DCAF10: variants seen among roughly 807,000 people sequenced by gnomAD.
The protein encoded by DCAF10 is DDB1- and CUL4-associated factor 10.
DCAF10 carries 19 observed loss-of-function variants against 51.9 expected under a neutral mutation model. The ratio of observed to expected loss-of-function variants is 0.37; its 90% CI spans 0.26 to 0.54. The LOEUF (loss-of-function observed/expected upper bound fraction) is 0.54, where lower values mean the gene tolerates loss of function less well. Ranked by LOEUF, DCAF10 falls within the 20% of genes least tolerant of loss-of-function variation. The pLI is 0.87. For synonymous variants in DCAF10, 291 were observed against 297.1 expected (o/e 0.98, Z 0.21); for missense variants, 510 against 730.6 (o/e 0.70, Z 3.48).
At chr9:37,842,063 A>AG in intron 2 of DCAF10, 26 bp from the exon 3 acceptor site, 1 of 1,593,772 alleles carries the variant, frequency 6.3e-7, no homozygotes, top group Non-Finnish European at 8.5e-7. Flanking sequence ...TAAATGAACC[A>AG]GGGTTTTGTT....
chr9:37,864,591 A>ATAAAAT lies in DCAF10; in HGVS notation c.*3083_*3084insTAAAAT, dbSNP rs1436065843. 2 of 147,794 alleles carry ATAAAAT rather than the reference A, an allele frequency of 1.4e-5. No individual in the cohort carries two copies. Among genetic ancestry groups the ATAAAAT allele is most frequent in the African/African-American group, 5.1e-5 (2 of 39,538 alleles). 9.2% of individuals were successfully genotyped at this position (147,794 alleles called of 1,614,324 possible). ...AGAGCGAGACTCTGCCTCAAAAAAA[A>ATAAAAT]AAAAAAAAATAAAATAAAATAAAAT... On this transcript the variant is annotated 3_prime_UTR_variant, in exon 7 of 7. Coordinates refer to ENST00000377724, the MANE Select transcript of DCAF10 (RefSeq NM_024345.5).
chr9:37,861,619 T>C lies in DCAF10; in HGVS notation c.*111T>C, dbSNP rs553917632. 8.3e-6 allele frequency: 12 copies of C among 1,441,420 alleles called. No individual in the cohort carries two copies. The African/African-American group carries it at 1.6e-4, about 19-fold the overall frequency. 89.3% of individuals were successfully genotyped at this position (1,441,420 alleles called of 1,614,324 possible). A position where few individuals can be genotyped will look rare whatever the true frequency, so the allele number is the denominator to read the frequency against. ...ATCTTATAAGTTTGGGTCAAGATCC[T>C]GGTTCTTATGGGTCCATGAACACAC... On this transcript the variant is annotated 3_prime_UTR_variant, in exon 7 of 7. Transcript: ENST00000377724. This position sits in a 1 kb window ranked among gnomAD's most constrained non-coding sequence, Gnocchi z 4.9.
At chr9:37,855,682 T>C (rs1426491938) in intron 4 of DCAF10, among the ~76,000 whole-genome samples, 2 of 152,192 alleles carry the variant, frequency 1.3e-5, no homozygotes, top group African/African-American at 2.4e-5. Flanking sequence ...ATTTGGAACA[T>C]AGAATGCTAA....
chr9:37,806,963 A>T (rs1829132726), intron 1 of DCAF10, among the ~76,000 whole-genome samples: 1 of 152,072 alleles, frequency 6.6e-6, no homozygotes, highest in African/African-American at 2.4e-5. Context: ...GTGTTACGTT[A>T]CCTCTCACCT....
chr9:37,808,636 A>C, intron 1 of DCAF10, among the ~76,000 whole-genome samples: 1 of 24,402 alleles, frequency 4.1e-5, no homozygotes, highest in Middle Eastern at 0.017. Context: ...ATAATATAAT[A>C]TAAAAATATA....
chr9:37,804,633 G>T (rs1265033762), intron 1 of DCAF10, among the ~76,000 whole-genome samples: 1 of 151,948 alleles, frequency 6.6e-6, no homozygotes, highest in Non-Finnish European at 1.5e-5. Flanking sequence ...AAAACTAGCC[G>T]AGCGTGGTGG....
At chr9:37,808,431 ATATAT>A (rs557247091) in intron 1 of DCAF10, among the ~76,000 whole-genome samples, 97 of 138,508 alleles carry the variant, frequency 7.0e-4, no homozygotes, top group African/African-American at 2.3e-3. Context: ...AGAAAAATAT[ATATAT>A]TATATTATGT....
At chr9:37,860,840 T>A (rs1450329484) in intron 6 of DCAF10, among the ~76,000 whole-genome samples, 1 of 152,178 alleles carries the variant, frequency 6.6e-6, no homozygotes, top group Non-Finnish European at 1.5e-5. Context: ...CAGGAATTTT[T>A]AAAATATCAA....
intron 3 of DCAF10, among the ~76,000 whole-genome samples, chr9:37,853,152 C>CAAAAAA (rs557423413): frequency 3.7e-5 from 3 of 80,892 alleles, no homozygotes; most frequent in African/African-American, 1.3e-4. Flanking sequence ...AACTCCGTCT[C>CAAAAAA]AAAAAAAAAA....
chr9:37,861,892 T>C lies in DCAF10; in HGVS notation c.*384T>C, dbSNP rs1300593734. The C allele has an allele frequency of 5.7e-6, 1 of 176,318 alleles. No homozygotes were observed. The highest frequency in any genetic ancestry group is 1.2e-5 in the Non-Finnish European group (1 of 80,914). 10.9% of individuals were successfully genotyped at this position (176,318 alleles called of 1,614,324 possible). On this transcript the variant is annotated 3_prime_UTR_variant, in exon 7 of 7. Coordinates refer to ENST00000377724, the MANE Select transcript of DCAF10 (RefSeq NM_024345.5). This position sits in a 1 kb window ranked among gnomAD's most constrained non-coding sequence, Gnocchi z 4.9. ...TTTTGGTGTCAATTTTGTGGACATT[T>C]GGCAGGAGTTTTGACTGGGGTAGGA...
At chr9:37,808,513 TATATA>T (rs576526712) in intron 1 of DCAF10, among the ~76,000 whole-genome samples, 1,558 of 117,718 alleles carry the variant, frequency 0.013, 44 homozygotes, top group African/African-American at 0.046. Context: ...AACATATATT[TATATA>T]ATATATTATA....
chr9:37,814,080 CTATATATATATATATATA>C (rs58660288), intron 1 of DCAF10, among the ~76,000 whole-genome samples: 1,035 of 47,080 alleles, frequency 0.022, 48 homozygotes, highest in African/African-American at 0.048. Flanking sequence ...CTATTTGTCA[CTATATATATATATATATA>C]TATATATATA....
intron 2 of DCAF10, among the ~76,000 whole-genome samples, chr9:37,827,483 A>G (rs1022461380): frequency 2.6e-5 from 4 of 152,198 alleles, no homozygotes; most frequent in African/African-American, 7.2e-5. Flanking sequence ...AGAACAAAAA[A>G]TATCCTGAAC....
At position 37,801,524 on chromosome 9, in the gene DCAF10, G is replaced by C; in HGVS notation, c.539+119G>C. The C allele has an allele frequency of 8.2e-7, 1 of 1,214,300 alleles. No homozygotes were observed. The highest frequency in any genetic ancestry group is 1.6e-5 in the African/African-American group (1 of 62,414). The allele number at this position is 1,214,300 out of a possible 1,614,324, so 75.2% of individuals were successfully genotyped here. Reference sequence around the variant, plus strand: ...GAGGTTAGCGAGGCCGTTTGGGGCCGCTGGCCTTCGTGCCTCCTGGCACTT... The same window carrying C: ...GAGGTTAGCGAGGCCGTTTGGGGCCCCTGGCCTTCGTGCCTCCTGGCACTT... On this transcript the variant is annotated intron_variant, in intron 1 of 6. Transcript: ENST00000377724. This position sits in a 1 kb window ranked among gnomAD's most constrained non-coding sequence, Gnocchi z 5.5.
intron 2 of DCAF10, among the ~76,000 whole-genome samples, chr9:37,828,916 T>C (rs1418883561): frequency 6.6e-6 from 1 of 152,182 alleles, no homozygotes; most frequent in Non-Finnish European, 1.5e-5. Flanking sequence ...GTATAGAATA[T>C]AGTTGTATTC....
intron 1 of DCAF10, among the ~76,000 whole-genome samples, chr9:37,813,734 G>A (rs1206255831): frequency 2.0e-5 from 3 of 152,230 alleles, no homozygotes; most frequent in Non-Finnish European, 4.4e-5. Flanking sequence ...GTTTTTCAAT[G>A]AAAGTTCAGG....
intron 2 of DCAF10, among the ~76,000 whole-genome samples, chr9:37,838,221 AT>A (rs1426132792): frequency 1.3e-5 from 2 of 152,206 alleles, no homozygotes; most frequent in Non-Finnish European, 2.9e-5. Flanking sequence ...AAAGAAATAT[AT>A]TTTTCTAATA....
chr9:37,856,080 G>A (rs1830840226), intron 4 of DCAF10, among the ~76,000 whole-genome samples: 1 of 152,072 alleles, frequency 6.6e-6, no homozygotes, highest in African/African-American at 2.4e-5. Flanking sequence ...GAGCCTGGCA[G>A]GTTGAGGCAG....
chr9:37,805,766 A>G (rs151189571), intron 1 of DCAF10, among the ~76,000 whole-genome samples: 8 of 152,368 alleles, frequency 5.3e-5, no homozygotes, highest in African/African-American at 1.9e-4. Context: ...TGCAATAACT[A>G]TAAGGTACTA....
Sources: gnomAD v4.1 joint callset for allele counts (sites outside exome capture counted in the v4.1 genomes callset) on GRCh38, gnomAD v4.1.1 for gene constraint, Gnocchi (gnomAD v3.1) non-coding constraint, MANE v1.5 for transcripts, NCBI Gene and HGNC (gene_info 2026-07-23, HGNC 2026-07-21) for gene names.